SEMA6D: variants seen among roughly 807,000 people sequenced by gnomAD.
SEMA6D encodes semaphorin 6D, also known as semaphorin-6D.
In SEMA6D, 35 loss-of-function variants were observed where a neutral mutation model predicts 106.6. The observed-to-expected ratio is 0.33, with a 90% CI of 0.25 to 0.44. The LOEUF is 0.44. SEMA6D is among the 20% of genes least tolerant of loss of function. SEMA6D has a pLI of 1.00. For synonymous variants in SEMA6D, 499 were observed against 487.7 expected (o/e 1.02, Z -0.31); for missense variants, 1,185 against 1,345.9 (o/e 0.88, Z 1.87).
chr15:47,284,659 G>T (rs1444763402), intron 1 of SEMA6D, among the ~76,000 whole-genome samples: 1 of 152,184 alleles, frequency 6.6e-6, no homozygotes, highest in African/African-American at 2.4e-5. Context: ...CTGAGGCACT[G>T]TCTGCCATGG....
At chr15:47,671,879 TTGTGGATGTGTGTGGG>T (rs1351413526) in intron 4 of SEMA6D, among the ~76,000 whole-genome samples, 2 of 152,142 alleles carry the variant, frequency 1.3e-5, no homozygotes, top group Non-Finnish European at 2.9e-5. Context: ...ACATTCTGCT[TTGTGGATGTGTGTGGG>T]TGAGGATGTT....
chr15:47,246,593 C>T (rs2033216548), intron 1 of SEMA6D, among the ~76,000 whole-genome samples: 2 of 152,172 alleles, frequency 1.3e-5, no homozygotes, highest in African/African-American at 2.4e-5. Context: ...CCTCCATCTT[C>T]GTAGCCAGCA....
At chr15:47,207,956 G>A (rs1895187712) in intron 1 of SEMA6D, among the ~76,000 whole-genome samples, 1 of 149,752 alleles carries the variant, frequency 6.7e-6, no homozygotes, top group Non-Finnish European at 1.5e-5. Flanking sequence ...AGGAGGGAGT[G>A]ACTGTGGAAA....
intron 1 of SEMA6D, among the ~76,000 whole-genome samples, chr15:47,746,848 TG>T (rs374147706): frequency 4.6e-5 from 7 of 152,172 alleles, no homozygotes; most frequent in African/African-American, 1.7e-4. Flanking sequence ...GATATGCCTG[TG>T]GAGGAGATAA....
intron 4 of SEMA6D, among the ~76,000 whole-genome samples, chr15:47,602,730 T>A (rs538998688): frequency 6.6e-5 from 10 of 152,126 alleles, no homozygotes; most frequent in Non-Finnish European, 1.3e-4. Flanking sequence ...TTCAGAGACC[T>A]TTCATCTTGT....
chr15:47,740,384 G>A (rs1195732937), intron 1 of SEMA6D, among the ~76,000 whole-genome samples: 1 of 152,000 alleles, frequency 6.6e-6, no homozygotes, highest in East Asian at 1.9e-4. Context: ...ACTGGGCATG[G>A]TGGCGCGCGC....
At chr15:47,764,391 A>G in intron 11 of SEMA6D, 86 bp downstream of exon 11, 1 of 1,482,894 alleles carries the variant, frequency 6.7e-7, no homozygotes, top group Non-Finnish European at 9.1e-7. Context: ...CAGCTTGGCC[A>G]ACCTCCCACA....
At chr15:47,670,180 A>G (rs117168928) in intron 4 of SEMA6D, among the ~76,000 whole-genome samples, 1,525 of 152,216 alleles carry the variant, frequency 0.01, 13 homozygotes, top group South Asian at 0.045. Flanking sequence ...TCCCTTCTCT[A>G]TGCTCCCTTA....
At chr15:47,265,614 A>G (rs969392056) in intron 1 of SEMA6D, among the ~76,000 whole-genome samples, 2 of 151,840 alleles carry the variant, frequency 1.3e-5, no homozygotes, top group East Asian at 3.9e-4. Context: ...GTTTTTGTTA[A>G]CTTATTTTTC....
chr15:47,199,330 A>G (rs1181396489), intron 1 of SEMA6D, among the ~76,000 whole-genome samples: 2 of 152,148 alleles, frequency 1.3e-5, no homozygotes, highest in African/African-American at 2.4e-5. Context: ...TGAATTCACA[A>G]TACATTTCCA....
At chr15:47,312,442 C>T (rs1014764838) in intron 1 of SEMA6D, among the ~76,000 whole-genome samples, 3 of 152,142 alleles carry the variant, frequency 2.0e-5, no homozygotes, top group Non-Finnish European at 4.4e-5. Flanking sequence ...CTGTTTTCCT[C>T]GCCATGATCT....
chr15:47,432,501 C>T (rs2041563795), intron 2 of SEMA6D, among the ~76,000 whole-genome samples: 2 of 150,076 alleles, frequency 1.3e-5, no homozygotes, highest in South Asian at 4.2e-4. Context: ...TATATATACA[C>T]ACACACAAAC....
chr15:47,586,280 T>G (rs925307898), intron 3 of SEMA6D, among the ~76,000 whole-genome samples: 2 of 152,192 alleles, frequency 1.3e-5, no homozygotes, highest in Non-Finnish European at 2.9e-5. Context: ...TTCAGGGACT[T>G]CTTACAAGAA....
At chr15:47,461,576 ATAT>A (rs1364558258) in intron 2 of SEMA6D, among the ~76,000 whole-genome samples, 1 of 152,066 alleles carries the variant, frequency 6.6e-6, no homozygotes, top group East Asian at 1.9e-4. Context: ...ATTAAAAATA[ATAT>A]TAATAATAAT....
chr15:47,565,698 A>AT (rs1180432149), intron 3 of SEMA6D, among the ~76,000 whole-genome samples: 12 of 152,196 alleles, frequency 7.9e-5, no homozygotes, highest in Non-Finnish European at 1.6e-4. Flanking sequence ...TGAGATACAA[A>AT]TGTGTAGTAC....
At chr15:47,564,142 G>A (rs746190312) in intron 3 of SEMA6D, among the ~76,000 whole-genome samples, 9 of 152,178 alleles carry the variant, frequency 5.9e-5, no homozygotes, top group African/African-American at 2.2e-4. Context: ...TCTTGAGACT[G>A]TGTACAATGT....
intron 1 of SEMA6D, among the ~76,000 whole-genome samples, chr15:47,372,707 T>C (rs1296884976): frequency 6.6e-6 from 1 of 152,146 alleles, no homozygotes. Flanking sequence ...TAACCTCAGG[T>C]TCCAAAAGGG....
Position 47,583,907 on chromosome 15 carries a change from C to T in SEMA6D, c.-86-16958C>T, listed in dbSNP as rs78846601. On this transcript the variant is annotated intron_variant, in intron 3 of 19. Transcript: ENST00000558014. ...ACAGCTTTGTCTGCATCCTGATCTA[C>T]TTTAGACTGGATGTCTTTAGGACAC... Among the ~76,000 whole-genome samples the T allele has an allele frequency of 2.9e-3, 443 of 152,286 alleles. 17 individuals are homozygous for T. The South Asian group carries it at 0.057, about 19-fold the overall frequency.
chr15:47,294,386 G>A (rs1595664887), intron 1 of SEMA6D, among the ~76,000 whole-genome samples: 1 of 152,124 alleles, frequency 6.6e-6, no homozygotes, highest in African/African-American at 2.4e-5. Context: ...ACCATGCCCG[G>A]CTAATTTTTG....
Sources: allele counts gnomAD v4.1 joint callset (sites outside exome capture counted in the v4.1 genomes callset), GRCh38; gene constraint gnomAD v4.1.1; transcripts MANE v1.5; gene names NCBI Gene and HGNC (gene_info 2026-07-23, HGNC 2026-07-21).